The following SNX30 variants were observed in gnomAD, a reference collection of about 807,000 sequenced individuals.
The protein encoded by SNX30 is sorting nexin-30.
SNX30 carries 24 observed loss-of-function variants against 46.4 expected under a neutral mutation model. The ratio of observed to expected loss-of-function variants is 0.52; its 90% CI spans 0.37 to 0.73. SNX30 has a LOEUF of 0.73. Ranked by LOEUF, SNX30 falls within the 30% of genes least tolerant of loss-of-function variation. The pLI, the probability that SNX30 is intolerant of heterozygous loss-of-function variation, is 0.00. For missense variants in SNX30, 533 were observed against 555.7 expected, an observed-to-expected ratio of 0.96 and a Z score of 0.41; for synonymous variants, 189 against 211.5, an observed-to-expected ratio of 0.89 and a Z score of 0.92.
intron 7 of SNX30, among the ~76,000 whole-genome samples, chr9:112,860,639 C>T (rs1275235593): frequency 6.6e-6 from 1 of 152,216 alleles, no homozygotes; most frequent in African/African-American, 2.4e-5. Flanking sequence ...ATGCCCAGTG[C>T]AATCTCATGC....
intron 1 of SNX30, among the ~76,000 whole-genome samples, chr9:112,775,119 T>TG (rs1476368783): frequency 6.6e-6 from 1 of 151,294 alleles, no homozygotes; most frequent in Non-Finnish European, 1.5e-5. Flanking sequence ...TGATTACAGG[T>TG]ATGAGCCCCT....
intron 4 of SNX30, among the ~76,000 whole-genome samples, chr9:112,834,882 A>ACACACACCCC (rs56385707): frequency 3.8e-5 from 4 of 105,250 alleles, no homozygotes; most frequent in East Asian, 7.2e-4. Flanking sequence ...ACACACACAC[A>ACACACACCCC]CCTACCTCAA....
rs1408968122 is a variant in SNX30, at chr9:112,864,999, ACACACC to A, written c.1254+606_1254+611del. Among the ~76,000 whole-genome samples the A allele has an allele frequency of 4.7e-4, 34 of 71,872 alleles. 1 individual carries two copies. In the East Asian group the frequency reaches 0.012, roughly 26 times the overall value. 47.2% of individuals were successfully genotyped at this position (71,872 alleles called of 152,430 possible). Reference sequence around the variant, plus strand: ...CACGCACATGCGCGTGCACACACACACACACCCACACACCCCACTACCACCACCACA... The same window carrying A: ...CACGCACATGCGCGTGCACACACACACACACACCCCACTACCACCACCACA... On this transcript the variant is annotated intron_variant, in intron 8 of 8. Coordinates refer to ENST00000374232, the MANE Select transcript of SNX30 (RefSeq NM_001012994.2).
At chr9:112,780,273 T>C (rs1839825163) in intron 1 of SNX30, among the ~76,000 whole-genome samples, 1 of 152,196 alleles carries the variant, frequency 6.6e-6, no homozygotes, top group African/African-American at 2.4e-5. Flanking sequence ...AGTCCCTTGG[T>C]TAAAAAGGGC....
intron 1 of SNX30, among the ~76,000 whole-genome samples, chr9:112,770,247 C>A (rs904345756): frequency 6.6e-6 from 1 of 152,144 alleles, no homozygotes; most frequent in Admixed American, 6.5e-5. Context: ...TTTCGACTCA[C>A]TGCAACCTCT....
chr9:112,819,026 T>A (rs7871799), intron 3 of SNX30, among the ~76,000 whole-genome samples: 1 of 152,020 alleles, frequency 6.6e-6, no homozygotes, highest in African/African-American at 2.4e-5. Flanking sequence ...AAATAGAATC[T>A]TAAGGTGGCA....
At chr9:112,832,751 A>G (rs1275685216) in intron 4 of SNX30, among the ~76,000 whole-genome samples, 1 of 149,646 alleles carries the variant, frequency 6.7e-6, no homozygotes, top group Non-Finnish European at 1.5e-5. Flanking sequence ...CGTTGTGCAC[A>G]TGTACCCTAA....
chr9:112,757,431 T>C (rs1302849130), intron 1 of SNX30, among the ~76,000 whole-genome samples: 8 of 152,236 alleles, frequency 5.3e-5, no homozygotes, highest in African/African-American at 1.9e-4. Context: ...TTCTATATCT[T>C]GGCTATTGTG....
At chr9:112,876,438 C>A (rs572498119), downstream of SNX30, among the ~76,000 whole-genome samples, 73 of 151,400 alleles carry the variant, frequency 4.8e-4, no homozygotes, top group Non-Finnish European at 9.3e-4. Flanking sequence ...ACGTAGACCC[C>A]GTCTCTACAA....
chr9:112,764,469 A>G (rs1839499533), intron 1 of SNX30, among the ~76,000 whole-genome samples: 1 of 152,156 alleles, frequency 6.6e-6, no homozygotes, highest in African/African-American at 2.4e-5. Context: ...CTAGAACTCC[A>G]GGGCTTAAGC....
chr9:112,755,520 C>T (rs1839335094), intron 1 of SNX30, among the ~76,000 whole-genome samples: 1 of 151,840 alleles, frequency 6.6e-6, no homozygotes, highest in Non-Finnish European at 1.5e-5. Context: ...GGGGACATTT[C>T]AGGGTCTTGA....
chr9:112,795,765 T>TCTCAAA (rs34877094), intron 1 of SNX30, among the ~76,000 whole-genome samples: 1 of 123,222 alleles, frequency 8.1e-6, no homozygotes, highest in Admixed American at 7.6e-5. Context: ...CACAGTACAG[T>TCTCAAA]CACACACACA....
chr9:112,863,135 A>G (rs763042856), intron 7 of SNX30, among the ~76,000 whole-genome samples: 14 of 152,116 alleles, frequency 9.2e-5, no homozygotes, highest in Non-Finnish European at 1.8e-4. Flanking sequence ...CAGCTCCCTC[A>G]GGCCTGTCTT....
intron 1 of SNX30, among the ~76,000 whole-genome samples, chr9:112,763,178 A>T (rs1283832407): frequency 2.0e-5 from 3 of 149,808 alleles, no homozygotes; most frequent in Non-Finnish European, 3.0e-5. Flanking sequence ...GTATATATAT[A>T]TTTTTTAGAG....
chr9:112,750,301 T>C (rs1839243064), upstream of SNX30: 1 of 152,274 alleles, frequency 6.6e-6, no homozygotes, highest in South Asian at 2.1e-4. Flanking sequence ...TCTAGCTCAT[T>C]TGAGCCTTGT....
intron 1 of SNX30, among the ~76,000 whole-genome samples, chr9:112,761,902 G>A (rs997111294): frequency 1.4e-5 from 2 of 142,586 alleles, no homozygotes; most frequent in African/African-American, 4.9e-5. Flanking sequence ...AATAGAAGAT[G>A]GAGAGGTTTG....
At chr9:112,779,601 A>G (rs936555763) in intron 1 of SNX30, among the ~76,000 whole-genome samples, 1 of 152,186 alleles carries the variant, frequency 6.6e-6, no homozygotes, top group Non-Finnish European at 1.5e-5. Flanking sequence ...AGGCTGAGGC[A>G]GGAGAATTGC....
At chr9:112,821,818 ATGT>A (rs1840502364) in intron 3 of SNX30, among the ~76,000 whole-genome samples, 1 of 135,060 alleles carries the variant, frequency 7.4e-6, no homozygotes, top group South Asian at 2.4e-4. Context: ...AGAGGCAGGA[ATGT>A]TGTTTTGTCA....
intron 8 of SNX30, among the ~76,000 whole-genome samples, chr9:112,865,673 A>C: frequency 9.5e-6 from 1 of 105,728 alleles, no homozygotes; most frequent in African/African-American, 3.5e-5. Context: ...GTATGTATGT[A>C]TGCACACACA....
Sources: gnomAD v4.1 joint callset for allele counts (sites outside exome capture counted in the v4.1 genomes callset) on GRCh38, gnomAD v4.1.1 for gene constraint, MANE v1.5 for transcripts, NCBI Gene and HGNC (gene_info 2026-07-23, HGNC 2026-07-21) for gene names.